Variants in FSTL4 observed in about 807,000 individuals in gnomAD.
FSTL4 encodes the protein follistatin-related protein 4.
In FSTL4, 28 loss-of-function variants were observed where a neutral mutation model predicts 78.2. That is an observed-to-expected ratio of 0.36 (90% CI 0.27 to 0.49). The LOEUF is 0.49. Ranked by LOEUF, FSTL4 falls within the 20% of genes least tolerant of loss-of-function variation. The pLI is 0.98. For synonymous variants in FSTL4, 422 were observed against 440.5 expected (o/e 0.96, Z 0.53); for missense variants, 922 against 1,084.9 (o/e 0.85, Z 2.11).
At chr5:133,241,996 C>CT in intron 7 of FSTL4, among the ~76,000 whole-genome samples, 1 of 152,216 alleles carries the variant, frequency 6.6e-6, no homozygotes, top group East Asian at 1.9e-4. Flanking sequence ...GTTCAAAACT[C>CT]TTACACATTG....
chr5:133,484,413 G>A (rs1235457847), intron 3 of FSTL4, among the ~76,000 whole-genome samples: 1 of 152,142 alleles, frequency 6.6e-6, no homozygotes, highest in Non-Finnish European at 1.5e-5. Context: ...AGAAATCTCG[G>A]TTTTCTTCAG....
intron 3 of FSTL4, among the ~76,000 whole-genome samples, chr5:133,459,113 G>A (rs1411044496): frequency 2.6e-5 from 4 of 152,134 alleles, no homozygotes; most frequent in African/African-American, 7.2e-5. Flanking sequence ...GAAGGCTCTC[G>A]GGAAGCTTTC....
At chr5:133,277,240 G>C (rs1752903645) in intron 6 of FSTL4, among the ~76,000 whole-genome samples, 1 of 152,096 alleles carries the variant, frequency 6.6e-6, no homozygotes, top group Non-Finnish European at 1.5e-5. Context: ...TTGAACCTGA[G>C]AGGCAGAGGC....
the FSTL4 span, among the ~76,000 whole-genome samples, chr5:133,817,524 A>T: frequency 2.0e-5 from 3 of 152,222 alleles, no homozygotes; most frequent in African/African-American, 7.2e-5. Flanking sequence ...AGATAATGTG[A>T]CCTAGACCTG....
At chr5:133,737,159 T>C in the FSTL4 span, among the ~76,000 whole-genome samples, 10 of 152,120 alleles carry the variant, frequency 6.6e-5, no homozygotes, top group African/African-American at 2.2e-4. Context: ...TATCACATAG[T>C]AGGTTTTATT....
chr5:133,199,506 A>T lies in FSTL4; in HGVS notation c.2118T>A (p.Ala706=). ...PDGRFIVSAA[A]DSPWLHVQEI... ...CCTGCACGTGCAGCCAGGGGCTGTC[A>T]GCTGCAGCACTGACTATGAAGCGCC... The change falls in exon 16 of 16, where the codon GCT becomes GCA. Residue 706 remains alanine (A), a synonymous_variant. Transcript: ENST00000265342. The surrounding 1 kb of genome is among the most constrained non-coding windows in gnomAD (Gnocchi z 4.4). 6.2e-7 allele frequency: 1 copy of T among 1,614,228 alleles called. No homozygotes were observed. Among genetic ancestry groups the T allele is most frequent in the Middle Eastern group, 1.6e-4 (1 of 6,062 alleles).
At chr5:133,511,885 T>C (rs1342838249) in intron 3 of FSTL4, among the ~76,000 whole-genome samples, 1 of 152,110 alleles carries the variant, frequency 6.6e-6, no homozygotes, top group African/African-American at 2.4e-5. Flanking sequence ...AAGACAGAGC[T>C]GAGCGTCATT....
intron 4 of FSTL4, among the ~76,000 whole-genome samples, chr5:133,395,079 C>A (rs1278311095): frequency 6.6e-6 from 1 of 152,082 alleles, no homozygotes; most frequent in Non-Finnish European, 1.5e-5. Context: ...GTAAAACAGA[C>A]CAATCAGCTC....
At chr5:133,451,377 A>G (rs1205744808) in intron 3 of FSTL4, among the ~76,000 whole-genome samples, 1 of 151,762 alleles carries the variant, frequency 6.6e-6, no homozygotes, top group Non-Finnish European at 1.5e-5. Flanking sequence ...CCTGGCCAAC[A>G]TGGCAAAACT....
chr5:133,280,491 A>G (rs1459475307), intron 6 of FSTL4, among the ~76,000 whole-genome samples: 1 of 152,114 alleles, frequency 6.6e-6, no homozygotes, highest in Admixed American at 6.5e-5. Flanking sequence ...TGTGCAGATG[A>G]GGCATAAAAG....
intron 4 of FSTL4, among the ~76,000 whole-genome samples, chr5:133,328,946 G>C (rs1229008914): frequency 6.6e-6 from 1 of 152,232 alleles, no homozygotes; most frequent in Non-Finnish European, 1.5e-5. Context: ...AATGGCGTCA[G>C]TGATGTCCAG....
At chr5:133,243,344 T>C (rs1751933739) in intron 7 of FSTL4, among the ~76,000 whole-genome samples, 1 of 152,188 alleles carries the variant, frequency 6.6e-6, no homozygotes, top group Non-Finnish European at 1.5e-5. Flanking sequence ...AAGAATACAA[T>C]AGAAAAATGT....
intron 3 of FSTL4, among the ~76,000 whole-genome samples, chr5:133,539,248 C>T (rs1759418570): frequency 6.6e-6 from 1 of 151,728 alleles, no homozygotes; most frequent in Non-Finnish European, 1.5e-5. Context: ...AATCAATCTG[C>T]TATGATCCAC....
intron 7 of FSTL4, among the ~76,000 whole-genome samples, chr5:133,249,027 G>C (rs530147211): frequency 6.6e-6 from 1 of 152,278 alleles, no homozygotes; most frequent in South Asian, 2.1e-4. Context: ...CCAGCCCACT[G>C]TTCTCTCAGC....
chr5:133,821,093 G>A, the FSTL4 span, among the ~76,000 whole-genome samples: 1 of 152,180 alleles, frequency 6.6e-6, no homozygotes, highest in South Asian at 2.1e-4. Context: ...CTGTTGCCAA[G>A]CTTTGAAAAG....
At chr5:133,640,658 A>C in the FSTL4 span, among the ~76,000 whole-genome samples, 1 of 152,198 alleles carries the variant, frequency 6.6e-6, no homozygotes, top group African/African-American at 2.4e-5. Context: ...TACTGCTTCC[A>C]ATTTGATACT....
chr5:133,446,731 C>T (rs1035664135), intron 3 of FSTL4, among the ~76,000 whole-genome samples: 1 of 152,206 alleles, frequency 6.6e-6, no homozygotes, highest in Non-Finnish European at 1.5e-5. Flanking sequence ...GTTCCTGTTT[C>T]AGCACAGGCC....
the FSTL4 span, among the ~76,000 whole-genome samples, chr5:133,721,246 A>G: frequency 6.6e-6 from 1 of 152,172 alleles, no homozygotes; most frequent in East Asian, 1.9e-4. Context: ...TTAACAACTC[A>G]TCGTAGCTTT....
At chr5:133,628,730 A>C in the FSTL4 span, among the ~76,000 whole-genome samples, 1 of 152,196 alleles carries the variant, frequency 6.6e-6, no homozygotes, top group African/African-American at 2.4e-5. Context: ...AAAGAAGAAA[A>C]GAGAGAAGAA....
Sources: gnomAD v4.1 joint callset for allele counts (sites outside exome capture counted in the v4.1 genomes callset) on GRCh38, gnomAD v4.1.1 for gene constraint, Gnocchi (gnomAD v3.1) non-coding constraint, MANE v1.5 for transcripts, NCBI Gene and HGNC (gene_info 2026-07-23, HGNC 2026-07-21) for gene names.